Variants in TGFA observed in about 807,000 individuals in gnomAD.
TGFA encodes the protein protransforming growth factor alpha.
A neutral mutation model predicts 21.7 loss-of-function variants in TGFA; 12 were observed. The observed-to-expected ratio is 0.55, with a 90% CI of 0.35 to 0.90. The LOEUF is 0.90. Ranked by LOEUF, TGFA falls within the 40% of genes least tolerant of loss-of-function variation. TGFA has a pLI of 0.01. For synonymous variants in TGFA, 79 were observed against 88.1 expected, an observed-to-expected ratio of 0.90 and a Z score of 0.58; for missense variants, 178 against 210.8, an observed-to-expected ratio of 0.84 and a Z score of 0.96.
chr2:70,458,161 T>C (rs1239840915), intron 3 of TGFA, among the ~76,000 whole-genome samples: 2 of 152,044 alleles, frequency 1.3e-5, no homozygotes, highest in African/African-American at 4.8e-5. Flanking sequence ...AAGGCAAAGG[T>C]CAAGAAACAG....
At chr2:70,497,911 G>A (rs891484418) in intron 2 of TGFA, among the ~76,000 whole-genome samples, 16 of 152,192 alleles carry the variant, frequency 1.1e-4, no homozygotes, top group African/African-American at 3.4e-4. Context: ...CTCTTGCATT[G>A]TTCTGCCTTG....
chr2:70,518,558 C>T (rs1226576757), intron 1 of TGFA, among the ~76,000 whole-genome samples: 1 of 152,216 alleles, frequency 6.6e-6, no homozygotes, highest in Non-Finnish European at 1.5e-5. Flanking sequence ...GCTGATGTGT[C>T]AATGGGAAAT....
chr2:70,524,621 C>T (rs888496030), intron 1 of TGFA, among the ~76,000 whole-genome samples: 5 of 152,218 alleles, frequency 3.3e-5, no homozygotes, highest in Non-Finnish European at 5.9e-5. Context: ...AAAACCTGTT[C>T]CAGCTGACTG....
At chr2:70,507,220 C>T (rs1671953716) in intron 2 of TGFA, among the ~76,000 whole-genome samples, 2 of 152,268 alleles carry the variant, frequency 1.3e-5, no homozygotes, top group Non-Finnish European at 2.9e-5. Context: ...AGGCAGCCTG[C>T]ACTCAGTGCA....
chr2:70,472,318 G>T (rs2103723088), intron 2 of TGFA, among the ~76,000 whole-genome samples: 1 of 152,244 alleles, frequency 6.6e-6, no homozygotes, highest in South Asian at 2.1e-4. Flanking sequence ...CCAGGTTTTG[G>T]AACAGACCTC....
chr2:70,488,725 T>C (rs1574096671), intron 2 of TGFA, among the ~76,000 whole-genome samples: 1 of 152,212 alleles, frequency 6.6e-6, no homozygotes, highest in East Asian at 1.9e-4. Context: ...TCCAAACCGT[T>C]AGAGGACTGA....
At chr2:70,467,152 A>G (rs538579950) in intron 2 of TGFA, among the ~76,000 whole-genome samples, 4 of 152,296 alleles carry the variant, frequency 2.6e-5, no homozygotes, top group Admixed American at 1.3e-4. Context: ...ATGTTTACCT[A>G]TGTAACGAAC....
chr2:70,492,787 G>A (rs3911080), intron 2 of TGFA, among the ~76,000 whole-genome samples: 28,444 of 151,874 alleles, frequency 0.19, 3,182 homozygotes, highest in Admixed American at 0.31. Context: ...TCATAACTAC[G>A]ACCCTTTTAC....
At chr2:70,526,430 C>T (rs115093639) in intron 1 of TGFA, among the ~76,000 whole-genome samples, 2 of 152,334 alleles carry the variant, frequency 1.3e-5, no homozygotes, top group Non-Finnish European at 2.9e-5. Context: ...CCTAATGTAT[C>T]TCCCTCAGGT....
chr2:70,511,882 G>A (rs373387724), intron 2 of TGFA, among the ~76,000 whole-genome samples: 7 of 144,068 alleles, frequency 4.9e-5, no homozygotes, highest in African/African-American at 1.9e-4. Context: ...TTACTTATTA[G>A]TCATGAATAC....
At chr2:70,513,099 T>C (rs935882615) in intron 2 of TGFA, among the ~76,000 whole-genome samples, 1 of 152,198 alleles carries the variant, frequency 6.6e-6, no homozygotes, top group Non-Finnish European at 1.5e-5. Context: ...GGAGGCTTCT[T>C]AGCCCATGGA....
chr2:70,519,656 G>T (rs1672389804), intron 1 of TGFA, among the ~76,000 whole-genome samples: 1 of 152,216 alleles, frequency 6.6e-6, no homozygotes, highest in Non-Finnish European at 1.5e-5. Context: ...ACAGCAGCAA[G>T]TTCCAACTAG....
chr2:70,537,362 A>G (rs1673004160), intron 1 of TGFA, among the ~76,000 whole-genome samples: 1 of 152,216 alleles, frequency 6.6e-6, no homozygotes, highest in Non-Finnish European at 1.5e-5. Flanking sequence ...TGAAAGGAAG[A>G]GTGGCATGTC....
chr2:70,499,600 A>G (rs1553498844), intron 2 of TGFA, among the ~76,000 whole-genome samples: 1 of 152,252 alleles, frequency 6.6e-6, no homozygotes, highest in Non-Finnish European at 1.5e-5. Context: ...ATGCCATATT[A>G]ACTTTCTGTA....
At chr2:70,544,137 G>A (rs1437028825) in intron 1 of TGFA, among the ~76,000 whole-genome samples, 3 of 151,878 alleles carry the variant, frequency 2.0e-5, no homozygotes, top group Non-Finnish European at 2.9e-5. Flanking sequence ...GAATATATGT[G>A]TATATATAAT....
At chr2:70,464,639 C>A (rs1417706560) in intron 3 of TGFA, among the ~76,000 whole-genome samples, 1 of 152,102 alleles carries the variant, frequency 6.6e-6, no homozygotes, top group Non-Finnish European at 1.5e-5. Flanking sequence ...TGTAATAGTG[C>A]CAAGGTTCAA....
intron 1 of TGFA, 79 bp downstream of exon 1, chr2:70,553,649 C>G (rs1463451515): frequency 6.1e-5 from 80 of 1,311,842 alleles, no homozygotes; most frequent in Admixed American, 1.2e-4. Context: ...GCAGAAACCC[C>G]CGGAAAGGGG....
rs1308311558 is a variant in TGFA, at chr2:70,503,578, A to AT, written c.94+11280dup. ...CCCTAAAACCTAAAGTATAATAATA[A>AT]TAATAAAAAAAAAAAAAGAAACTTG... On this transcript the variant is annotated intron_variant, in intron 2 of 5. Transcript: ENST00000295400. 5.4e-4 allele frequency among the ~76,000 whole-genome samples: 66 copies of AT among 122,550 alleles called. No homozygotes were observed. In the East Asian group the frequency reaches 0.018, roughly 34 times the overall value. The allele number at this position is 122,550 out of a possible 152,430, so 80.4% of individuals were successfully genotyped here.
intron 1 of TGFA, among the ~76,000 whole-genome samples, chr2:70,519,285 T>C (rs991573544): frequency 1.3e-5 from 2 of 152,280 alleles, no homozygotes; most frequent in Non-Finnish European, 1.5e-5. Context: ...AAGGCTCCCA[T>C]GTAGGCATAA....
Sources: gnomAD v4.1 joint callset for allele counts (sites outside exome capture counted in the v4.1 genomes callset) on GRCh38, gnomAD v4.1.1 for gene constraint, MANE v1.5 for transcripts, NCBI Gene and HGNC (gene_info 2026-07-23, HGNC 2026-07-21) for gene names.